CHMP4B: variants seen among roughly 807,000 people sequenced by gnomAD.
CHMP4B encodes charged multivesicular body protein 4B.
In CHMP4B, 1 loss-of-function variant was observed where a neutral mutation model predicts 25.1. The ratio of observed to expected loss-of-function variants is 0.04; its 90% CI spans 0.01 to 0.19. CHMP4B has a LOEUF of 0.19. Among genes scored for constraint, CHMP4B ranks in the 10% least tolerant of loss-of-function variants. CHMP4B has a pLI of 1.00. For missense variants in CHMP4B, 151 were observed against 289.7 expected (o/e 0.52, Z 3.48); for synonymous variants, 101 against 115.6 (o/e 0.87, Z 0.81).
intron 1 of CHMP4B, among the ~76,000 whole-genome samples, chr20:33,820,066 T>G (rs1411683497): frequency 6.6e-6 from 1 of 151,520 alleles, no homozygotes; most frequent in African/African-American, 2.4e-5. Flanking sequence ...TAGTCCCAGC[T>G]ACTCAGGAGG....
Position 33,811,534 on chromosome 20 carries a change from C to T in CHMP4B, c.66C>T (p.Pro22=). ...GGKAGKGGPT[P]QEAIQRLRDT... ...AGGCCGGCAAGGGCGGCCCGACCCCCCAGGAGGCCATCCAGCGGCTGCGGG... is the reference window on the plus strand; with the variant it reads ...AGGCCGGCAAGGGCGGCCCGACCCCTCAGGAGGCCATCCAGCGGCTGCGGG... Residue 22 remains proline, a synonymous_variant, in exon 1 of 5, where the codon CCC becomes CCT. Transcript: ENST00000217402. The T allele has an allele frequency of 1.2e-6, 2 of 1,610,288 alleles. No homozygotes were observed. The highest frequency in any genetic ancestry group is 1.7e-6 in the Non-Finnish European group (2 of 1,178,454).
chr20:33,847,200 T>C (rs923474851), intron 1 of CHMP4B, among the ~76,000 whole-genome samples: 3 of 151,906 alleles, frequency 2.0e-5, no homozygotes, highest in Non-Finnish European at 2.9e-5. Flanking sequence ...AGATAAAAGG[T>C]CTCTTAGGTA....
At chr20:33,829,380 T>A (rs546802239) in intron 1 of CHMP4B, among the ~76,000 whole-genome samples, 1 of 152,292 alleles carries the variant, frequency 6.6e-6, no homozygotes, top group South Asian at 2.1e-4. Flanking sequence ...TGGTGTTTGC[T>A]CAGCTTTGCC....
chr20:33,813,570 A>G lies in CHMP4B; in HGVS notation c.190+1912A>G, dbSNP rs138875870. On this transcript the variant is annotated intron_variant, in intron 1 of 4. Coordinates refer to ENST00000217402, the MANE Select transcript of CHMP4B (RefSeq NM_176812.5). ...TTGCTGTCTCTAGCTTTTTCCTCTGATGACTCTCCCTCAGTCCAGATCCTC... is the reference window on the plus strand; with the variant it reads ...TTGCTGTCTCTAGCTTTTTCCTCTGGTGACTCTCCCTCAGTCCAGATCCTC... Among the ~76,000 whole-genome samples the G allele has an allele frequency of 7.4e-3, 1,133 of 152,188 alleles. 13 individuals are homozygous for G. Among genetic ancestry groups the G allele is most frequent in the African/African-American group, 0.026 (1,080 of 41,490 alleles).
chr20:33,818,988 C>T (rs527478130), intron 1 of CHMP4B, among the ~76,000 whole-genome samples: 3 of 152,234 alleles, frequency 2.0e-5, no homozygotes, highest in Admixed American at 2.0e-4. Context: ...CATCTCACTG[C>T]AACCTCTGCC....
chr20:33,830,091 G>C (rs1313889323), intron 1 of CHMP4B, among the ~76,000 whole-genome samples: 1 of 152,224 alleles, frequency 6.6e-6, no homozygotes, highest in Admixed American at 6.5e-5. Flanking sequence ...CACGTGTGGT[G>C]GAGAATGAAG....
intron 1 of CHMP4B, among the ~76,000 whole-genome samples, chr20:33,828,683 CTG>C (rs1979160269): frequency 1.3e-5 from 2 of 151,894 alleles, no homozygotes; most frequent in Admixed American, 6.6e-5. Context: ...TTACAGGACT[CTG>C]GGGAGGGTTA....
intron 1 of CHMP4B, among the ~76,000 whole-genome samples, chr20:33,840,958 C>T (rs1373890701): frequency 6.6e-6 from 1 of 152,146 alleles, no homozygotes; most frequent in Non-Finnish European, 1.5e-5. Context: ...AACTGGACTC[C>T]CTAAATGACC....
At chr20:33,830,276 G>A (rs1979203263) in intron 1 of CHMP4B, among the ~76,000 whole-genome samples, 1 of 152,160 alleles carries the variant, frequency 6.6e-6, no homozygotes, top group Non-Finnish European at 1.5e-5. Context: ...TCATCTCAGG[G>A]GAGGGACCTG....
At chr20:33,818,896 C>T (rs1213774045) in intron 1 of CHMP4B, among the ~76,000 whole-genome samples, 1 of 152,068 alleles carries the variant, frequency 6.6e-6, no homozygotes, top group Non-Finnish European at 1.5e-5. Flanking sequence ...CTCCTGTTCA[C>T]CAGTGTTGCT....
chr20:33,835,290 A>G (rs934929087), intron 1 of CHMP4B, among the ~76,000 whole-genome samples: 1 of 152,120 alleles, frequency 6.6e-6, no homozygotes, highest in Admixed American at 6.5e-5. Flanking sequence ...CACTTTTAAT[A>G]TGATGTGCTT....
At chr20:33,836,700 C>T (rs184602808) in intron 1 of CHMP4B, among the ~76,000 whole-genome samples, 1 of 152,116 alleles carries the variant, frequency 6.6e-6, no homozygotes, top group Non-Finnish European at 1.5e-5. Flanking sequence ...ACTCCAGCTG[C>T]GTTGGTCTCC....
rs771650927 is a variant in CHMP4B at position 33,848,463 on chromosome 20, G to T, written c.191-4G>T. On this transcript the variant is annotated splice_polypyrimidine_tract_variant and splice_region_variant and intron_variant, in intron 1 of 4. Coordinates refer to ENST00000217402, the MANE Select transcript of CHMP4B (RefSeq NM_176812.5). ...TCTGAAACCCTGTTTTCTCCCTCAC[G>T]CAGCGGCCCTCCAGGCACTGAAGCG... is the stretch of plus-strand genomic sequence containing the variant. 37 of 1,613,926 alleles carry T rather than the reference G, an allele frequency of 2.3e-5. No individual in the cohort carries two copies. Among genetic ancestry groups the T allele is most frequent in the Middle Eastern group, 3.3e-4 (2 of 6,016 alleles).
At chr20:33,811,758 C>A in intron 1 of CHMP4B, 100 bp downstream of exon 1, 2 of 1,230,930 alleles carry the variant, frequency 1.6e-6, no homozygotes, top group Non-Finnish European at 2.3e-6. Flanking sequence ...TCTGGTCTGA[C>A]CCTGGAACTC....
chr20:33,819,550 C>T (rs1287184773), intron 1 of CHMP4B, among the ~76,000 whole-genome samples: 1 of 152,178 alleles, frequency 6.6e-6, no homozygotes, highest in African/African-American at 2.4e-5. Flanking sequence ...ATATTTCTAG[C>T]TCTACCTCCT....
intron 1 of CHMP4B, among the ~76,000 whole-genome samples, chr20:33,832,182 G>T (rs574209760): frequency 6.6e-6 from 1 of 152,248 alleles, no homozygotes; most frequent in East Asian, 1.9e-4. Context: ...GGTTGCCAGG[G>T]TGCTCTCATG....
intron 4 of CHMP4B, 140 bp from the exon 5 acceptor site, chr20:33,853,356 C>G (rs2098086577): frequency 9.0e-6 from 7 of 775,756 alleles, no homozygotes; most frequent in Non-Finnish European, 1.6e-5. Context: ...AAGGAGCAGT[C>G]TCCCTACAGC....
At chr20:33,811,824 C>T (rs1245535287) in intron 1 of CHMP4B, among the ~76,000 whole-genome samples, 166 bp downstream of exon 1, 1 of 152,112 alleles carries the variant, frequency 6.6e-6, no homozygotes, top group Non-Finnish European at 1.5e-5. Context: ...CCTTCAATGT[C>T]TCCCCGATCC....
intron 1 of CHMP4B, among the ~76,000 whole-genome samples, chr20:33,831,214 C>T (rs1206073731): frequency 3.9e-5 from 6 of 152,074 alleles, no homozygotes; most frequent in Non-Finnish European, 8.8e-5. Context: ...CCTGCCTCAG[C>T]CTCCAGAGTA....
Sources: allele counts gnomAD v4.1 joint callset (sites outside exome capture counted in the v4.1 genomes callset), GRCh38; gene constraint gnomAD v4.1.1; transcripts MANE v1.5; gene names NCBI Gene and HGNC (gene_info 2026-07-23, HGNC 2026-07-21).